The following OTUD7A variants were observed in gnomAD, a reference collection of about 807,000 sequenced individuals.
OTUD7A encodes the protein OTU domain-containing protein 7A.
Under a neutral mutation model 65.7 loss-of-function variants are expected in OTUD7A, and 12 were observed. That is an observed-to-expected ratio of 0.18 (90% confidence interval 0.12 to 0.30). OTUD7A has a LOEUF of 0.30. OTUD7A is among the 10% of genes least tolerant of loss of function. The pLI is 1.00. For missense variants in OTUD7A, 1,148 were observed against 1,304.8 expected, an observed-to-expected ratio of 0.88 and a Z score of 1.85; for synonymous variants, 641 against 586.3, an observed-to-expected ratio of 1.09 and a Z score of -1.35.
intron 3 of OTUD7A, among the ~76,000 whole-genome samples, chr15:31,619,356 T>C (rs1890700132): frequency 6.6e-6 from 1 of 152,200 alleles, no homozygotes; most frequent in Non-Finnish European, 1.5e-5. Flanking sequence ...ATCTATAAAT[T>C]ACCTTGGGCA....
chr15:31,771,870 G>C (rs1330282937), intron 1 of OTUD7A, among the ~76,000 whole-genome samples: 2 of 152,134 alleles, frequency 1.3e-5, no homozygotes, highest in Non-Finnish European at 2.9e-5. Flanking sequence ...GCTCATCCAT[G>C]TTGTCTTGAT....
At chr15:31,627,602 A>T (rs1891001437) in intron 3 of OTUD7A, among the ~76,000 whole-genome samples, 1 of 152,078 alleles carries the variant, frequency 6.6e-6, no homozygotes, top group Non-Finnish European at 1.5e-5. Flanking sequence ...TTGGGTATGT[A>T]CCCAGTAATG....
rs1194240225 is a variant in OTUD7A, at chr15:31,498,112, C to T, written c.1171+3578G>A. 6.6e-6 allele frequency among the ~76,000 whole-genome samples: 1 copy of T among 152,156 alleles called. No homozygotes were observed. Among genetic ancestry groups the T allele is most frequent in the Non-Finnish European group, 1.5e-5 (1 of 68,030 alleles). ...TGGAGATGGGCAAGGCTGTGCTTGG[C>T]TTGTTTGGGACTTTACCAAGAGTTA... On this transcript the variant is annotated intron_variant, in intron 10 of 12. Transcript: ENST00000307050. This position sits in a 1 kb window ranked among gnomAD's most constrained non-coding sequence, Gnocchi z 4.2.
intron 1 of OTUD7A, among the ~76,000 whole-genome samples, chr15:31,849,371 T>C (rs1897365173): frequency 1.3e-5 from 2 of 152,226 alleles, no homozygotes; most frequent in African/African-American, 4.8e-5. Context: ...TGAAACTGGA[T>C]ACCTTCCTTA....
chr15:31,583,686 C>A (rs1354367540), intron 3 of OTUD7A, among the ~76,000 whole-genome samples: 1 of 151,924 alleles, frequency 6.6e-6, no homozygotes, highest in Non-Finnish European at 1.5e-5. Flanking sequence ...CCTCCCCAGC[C>A]ATGTGGAACT....
At chr15:31,779,410 C>T (rs1284195635) in intron 1 of OTUD7A, among the ~76,000 whole-genome samples, 1 of 152,226 alleles carries the variant, frequency 6.6e-6, no homozygotes, top group Non-Finnish European at 1.5e-5. Context: ...CTACAGGAGA[C>T]ACCTCTGTTT....
At chr15:31,649,554 C>A (rs778012575) in intron 3 of OTUD7A, 2 of 181,898 alleles carry the variant, frequency 1.1e-5, no homozygotes, top group African/African-American at 2.4e-5. Context: ...CAATACACAT[C>A]TTTCTGAGGA....
At chr15:31,627,007 T>TG (rs557546453) in intron 3 of OTUD7A, among the ~76,000 whole-genome samples, 265 of 151,982 alleles carry the variant, frequency 1.7e-3, no homozygotes, top group Middle Eastern at 6.8e-3. Context: ...ATCTTGCTAA[T>TG]GGGGGGTCTC....
chr15:31,527,404 C>G (rs758693251), intron 6 of OTUD7A, 96 bp from the exon 7 acceptor site: 99 of 1,471,140 alleles, frequency 6.7e-5, no homozygotes, highest in Non-Finnish European at 8.8e-5. Flanking sequence ...CTGGGAGAGC[C>G]TCCTGTCTGC....
At chr15:31,808,848 T>C (rs35575383) in intron 1 of OTUD7A, among the ~76,000 whole-genome samples, 48,704 of 152,184 alleles carry the variant, frequency 0.32, 8,760 homozygotes, top group South Asian at 0.56. Flanking sequence ...AGAGCTGGAC[T>C]GAAGGAGTCC....
chr15:31,636,959 A>G (rs970334530), intron 3 of OTUD7A, among the ~76,000 whole-genome samples: 2 of 152,326 alleles, frequency 1.3e-5, no homozygotes, highest in African/African-American at 4.8e-5. Context: ...TAAGGAAAAA[A>G]GCCATCTTCA....
chr15:31,509,296 G>T (rs6493719), intron 8 of OTUD7A, among the ~76,000 whole-genome samples: 110,691 of 149,270 alleles, frequency 0.74, 41,318 homozygotes, highest in African/African-American at 0.84. Context: ...TTTTTTTTTT[G>T]GAGACGGAGT....
chr15:31,492,582 CAAA>C (rs60414638), intron 10 of OTUD7A, among the ~76,000 whole-genome samples: 36,231 of 121,552 alleles, frequency 0.3, 4,388 homozygotes, highest in East Asian at 0.44. Flanking sequence ...GACTCTGTCT[CAAA>C]AAAAAAAAAA....
intron 1 of OTUD7A, among the ~76,000 whole-genome samples, chr15:31,851,848 G>GTTTGT (rs541684091): frequency 9.3e-4 from 141 of 152,200 alleles, no homozygotes; most frequent in Admixed American, 1.7e-3. Flanking sequence ...TTTGTGTTTT[G>GTTTGT]TTTGTTTTGT....
At chr15:31,802,929 T>C (rs1896174193) in intron 1 of OTUD7A, among the ~76,000 whole-genome samples, 2 of 152,108 alleles carry the variant, frequency 1.3e-5, no homozygotes, top group East Asian at 1.9e-4. Context: ...CACAGTGACG[T>C]GGAAGGAGAG....
intron 10 of OTUD7A, among the ~76,000 whole-genome samples, chr15:31,497,173 G>T (rs1040172454): frequency 2.0e-5 from 3 of 152,120 alleles, no homozygotes; most frequent in Non-Finnish European, 2.9e-5. Flanking sequence ...CCTCTGTGTG[G>T]CCCCTGGATA....
intron 1 of OTUD7A, among the ~76,000 whole-genome samples, chr15:31,782,110 C>T (rs886262411): frequency 4.6e-5 from 7 of 152,340 alleles, no homozygotes; most frequent in African/African-American, 1.4e-4. Flanking sequence ...TCAGACGTGA[C>T]GCACAGTGAC....
Position 31,487,383 on chromosome 15 carries a change from C to A in OTUD7A, c.1286+69G>T. Reference sequence around the variant, plus strand: ...CAGGAGGAGCAGGGGTGGTACATTCCCTCCCCAGGATGCCCCAGCCATAGC... The same window carrying A: ...CAGGAGGAGCAGGGGTGGTACATTCACTCCCCAGGATGCCCCAGCCATAGC... On this transcript the variant is annotated intron_variant, in intron 11 of 12. Transcript: ENST00000307050. This position sits in a 1 kb window ranked among gnomAD's most constrained non-coding sequence, Gnocchi z 6.0. 1 of 1,584,386 alleles carries A rather than the reference C, an allele frequency of 6.3e-7. No individual in the cohort carries two copies. Among genetic ancestry groups the A allele is most frequent in the South Asian group, 1.1e-5 (1 of 88,928 alleles).
At chr15:31,700,363 T>C (rs1021269809) in intron 1 of OTUD7A, among the ~76,000 whole-genome samples, 4 of 152,126 alleles carry the variant, frequency 2.6e-5, no homozygotes, top group African/African-American at 9.7e-5. Flanking sequence ...TGCTCTCTGA[T>C]GGGATGTGCA....
Sources: gnomAD v4.1 joint callset for allele counts (sites outside exome capture counted in the v4.1 genomes callset) on GRCh38, gnomAD v4.1.1 for gene constraint, Gnocchi (gnomAD v3.1) non-coding constraint, MANE v1.5 for transcripts, NCBI Gene and HGNC (gene_info 2026-07-23, HGNC 2026-07-21) for gene names.